Variants in KRT84 observed in about 807,000 individuals in gnomAD.
The protein encoded by KRT84 is keratin, type II cuticular Hb4.
Under a neutral mutation model 49.0 loss-of-function variants are expected in KRT84, and 38 were observed. The observed-to-expected ratio is 0.78, with a 90% CI of 0.60 to 1.02. KRT84 has a LOEUF of 1.02. KRT84 is among the 50% of genes least tolerant of loss of function. The pLI, the probability that KRT84 is intolerant of heterozygous loss-of-function variation, is 0.00. For synonymous variants in KRT84, 334 were observed against 312.8 expected, an observed-to-expected ratio of 1.07 and a Z score of -0.72; for missense variants, 860 against 788.6, an observed-to-expected ratio of 1.09 and a Z score of -1.08.
intron 2 of KRT84, among the ~76,000 whole-genome samples, chr12:52,383,383 A>C (rs901165503): frequency 5.3e-5 from 8 of 152,166 alleles, no homozygotes; most frequent in Admixed American, 2.0e-4. Flanking sequence ...GCCCAACTGA[A>C]AAAGATACTG....
chr12:52,381,277 CT>C, intron 5 of KRT84, 72 bp from the exon 6 acceptor site: 1 of 1,609,174 alleles, frequency 6.2e-7, no homozygotes, highest in Non-Finnish European at 8.5e-7. Context: ...GAGTTGGGGG[CT>C]TCAAACCTCC....
Position 52,380,447 on chromosome 12 carries a change from T to G in KRT84, c.1340A>C (p.Glu447Ala). Residue 447 changes from glutamate (E) to alanine (A), a missense_variant, in exon 7 of 9, where the codon GAG (glutamate) becomes GCG (alanine). Transcript: ENST00000257951. ...AKQDMARQLC[E>A]YQELMNAKLG... ...CTTGGCATTCATCAGCTCCTGGTAC[T>G]CGCACAGCTGCCGCGCCATGTCCTG... 6.2e-7 allele frequency: 1 copy of G among 1,614,200 alleles called. No individual in the cohort carries two copies. The highest frequency in any genetic ancestry group is 8.5e-7 in the Non-Finnish European group (1 of 1,180,012).
At chr12:52,384,420 C>G (rs575673291) in intron 1 of KRT84, among the ~76,000 whole-genome samples, 91 of 152,290 alleles carry the variant, frequency 6.0e-4, no homozygotes, top group Non-Finnish European at 1.1e-3. Flanking sequence ...TTTGGGTTAT[C>G]CACATCACTG....
rs1293471942 is a variant in KRT84, at chr12:52,383,665, A to G, written c.680T>C (p.Val227Ala). ...YITNLRRQLE[V>A]LVSDQARLQA... ...GAGCCGGGCCTGATCACTGACCAGCACCTCCAACTGCCTCCGCAGGTTGGT... is the reference window on the plus strand; with the variant it reads ...GAGCCGGGCCTGATCACTGACCAGCGCCTCCAACTGCCTCCGCAGGTTGGT... Residue 227 changes from valine (V) to alanine (A), a missense_variant, in exon 2 of 9, where the codon GTG (valine) becomes GCG (alanine). Physicochemically the swap from Val to Ala is moderately conservative, Grantham distance 64. Transcript: ENST00000257951. 8.1e-6 allele frequency: 13 copies of G among 1,613,960 alleles called. No individual in the cohort carries two copies. Among genetic ancestry groups the G allele is most frequent in the African/African-American group, 1.3e-5 (1 of 74,910 alleles).
At chr12:52,380,315 A>G (rs764412517) in intron 7 of KRT84, 48 bp downstream of exon 7, 34 of 1,599,198 alleles carry the variant, frequency 2.1e-5, no homozygotes, top group Non-Finnish European at 1.7e-6. Flanking sequence ...TAGTCTTTCT[A>G]GATGCCTAAG....
intron 6 of KRT84, 46 bp downstream of exon 6, chr12:52,381,034 C>T: frequency 1.9e-6 from 3 of 1,602,464 alleles, no homozygotes; most frequent in Non-Finnish European, 2.6e-6. Context: ...AGCCTGAGGC[C>T]CTGGTTCTCC....
At chr12:52,381,269 G>A in intron 5 of KRT84, 64 bp from the exon 6 acceptor site, 1 of 1,609,350 alleles carries the variant, frequency 6.2e-7, no homozygotes, top group African/African-American at 1.3e-5. Context: ...CCCCCACTGA[G>A]TTGGGGGCTT....
rs772967834 is a variant in KRT84 at position 52,383,576 on chromosome 12, C to A, written c.755+14G>T. The A allele has an allele frequency of 4.3e-6, 7 of 1,609,678 alleles. No individual in the cohort carries two copies. The highest frequency in any genetic ancestry group is 2.1e-4 in the Middle Eastern group (1 of 4,696). On this transcript the variant is annotated intron_variant, in intron 2 of 8. Transcript: ENST00000257951. ...TGGCCTGTCACTGGTCTGTGCAGCT[C>A]AGATGTCACTCACTTCTTCTTGAAG...
rs1199593174 is a variant in KRT84, at chr12:52,385,398, G to A, written c.188C>T (p.Pro63Leu). 1 of 1,614,186 alleles carries A rather than the reference G, an allele frequency of 6.2e-7. No individual in the cohort carries two copies. Among genetic ancestry groups the A allele is most frequent in the Admixed American group, 1.7e-5 (1 of 60,020 alleles). Residue 63 changes from proline (P) to leucine (L), a missense_variant, in exon 1 of 9, where the codon CCC (proline) becomes CTC (leucine). Coordinates refer to ENST00000257951, the MANE Select transcript of KRT84 (RefSeq NM_033045.4). ...RSVITFGSYS[P>L]RIAAVGSRPI... Reference sequence around the variant, plus strand: ...CCGAGAGCCTACAGCTGCTATCCGGGGTGAGTACGATCCAAAGGTGATGAC... The same window carrying A: ...CCGAGAGCCTACAGCTGCTATCCGGAGTGAGTACGATCCAAAGGTGATGAC...
chr12:52,385,683 T>G, upstream of KRT84: 1 of 1,160,952 alleles, frequency 8.6e-7, no homozygotes, highest in Non-Finnish European at 1.2e-6. Flanking sequence ...ACCCCTTTTA[T>G]GTGTGTGGTG....
chr12:52,381,067 T>C lies in KRT84; in HGVS notation c.1203+13A>G. On this transcript the variant is annotated intron_variant, in intron 6 of 8. Transcript: ENST00000257951. ...TCCCTCATCTGAGGCTTTCCCTCCT[T>C]TCCTTTGCCCACCTGAGCCTTGGCG... 6.2e-7 allele frequency: 1 copy of C among 1,613,394 alleles called. No individual in the cohort carries two copies. The highest frequency in any genetic ancestry group is 1.3e-5 in the African/African-American group (1 of 75,012).
rs555664952 is a variant in KRT84 at position 52,378,323 on chromosome 12, G to C, written c.1514C>G (p.Ser505Cys). Residue 505 changes from serine to cysteine, a missense_variant, in exon 9 of 9, where the codon TCC becomes TGC. Ser to Cys is a moderately radical substitution (Grantham distance 112). Coordinates refer to ENST00000257951, the MANE Select transcript of KRT84 (RefSeq NM_033045.4). ...VCGPEPLVAGSTLSRGGVTFS... is the reference protein window; with the variant it reads ...VCGPEPLVAGCTLSRGGVTFS... ...GGTGACCCCGCCGCGGGAGAGGGTG[G>C]AGCCGGCAACCAAAGGCTCAGGCCC... is the stretch of plus-strand genomic sequence containing the variant. 2.6e-6 allele frequency: 4 copies of C among 1,530,298 alleles called. No individual in the cohort carries two copies. The South Asian group carries it at 4.9e-5, about 19-fold the overall frequency. The allele number at this position is 1,530,298 out of a possible 1,614,324, so 94.8% of individuals were successfully genotyped here.
chr12:52,384,502 C>T (rs1257923215), intron 1 of KRT84, among the ~76,000 whole-genome samples: 1 of 152,196 alleles, frequency 6.6e-6, no homozygotes, highest in Admixed American at 6.5e-5. Flanking sequence ...ATCTAGGCAA[C>T]TTGGCCGAAT....
intron 3 of KRT84, 103 bp downstream of exon 3, chr12:52,382,902 T>C: frequency 1.1e-6 from 1 of 895,196 alleles, no homozygotes. Context: ...TTGATGTGAG[T>C]AGTCCCAGAC....
chr12:52,378,081 T>C lies in KRT84; in HGVS notation c.1756A>G (p.Ser586Gly), dbSNP rs1226754745. The change falls in exon 9 of 9, where the codon AGC becomes GGC. Residue 586 changes from serine to glycine, a missense_variant. Coordinates refer to ENST00000257951, the MANE Select transcript of KRT84 (RefSeq NM_033045.4). ...FSSCSGGRSS[S>G]VRFVSTTTSC... ...GTGGTGGTGGACACAAAGCGGACGC[T>C]GGAGCTGCGGCCGCCGCTGCAGCTG... 1 of 1,501,570 alleles carries C rather than the reference T, an allele frequency of 6.7e-7. No homozygotes were observed. Among genetic ancestry groups the C allele is most frequent in the Non-Finnish European group, 8.8e-7 (1 of 1,130,870 alleles). The allele number at this position is 1,501,570 out of a possible 1,614,324, so 93.0% of individuals were successfully genotyped here. A position where few individuals can be genotyped will look rare whatever the true frequency, so the allele number is the denominator to read the frequency against.
Position 52,380,450 on chromosome 12 carries a change from C to T in KRT84, c.1337G>A (p.Cys446Tyr), listed in dbSNP as rs753360731. 16 of 1,614,188 alleles carry T rather than the reference C, an allele frequency of 9.9e-6. No homozygotes were observed. The highest frequency in any genetic ancestry group is 2.2e-5 in the East Asian group (1 of 44,884). Residue 446 changes from cysteine to tyrosine, a missense_variant, in exon 7 of 9, where the codon TGC becomes TAC. Transcript: ENST00000257951. ...GGCATTCATCAGCTCCTGGTACTCG[C>T]ACAGCTGCCGCGCCATGTCCTGCTT... ...QAKQDMARQL[C>Y]EYQELMNAKL...
chr12:52,379,164 C>T (rs1295721825), intron 8 of KRT84, among the ~76,000 whole-genome samples: 1 of 152,226 alleles, frequency 6.6e-6, no homozygotes, highest in Non-Finnish European at 1.5e-5. Context: ...GTTTAGCACT[C>T]GGTTCCACTA....
In KRT84 at chr12:52,378,162, T is replaced by C. The variant is rs1284552313; in HGVS notation, c.1675A>G (p.Ser559Gly). Residue 559 changes from serine (S) to glycine (G), a missense_variant, in exon 9 of 9, where the codon AGC becomes GGC. Transcript: ENST00000257951. Reference protein sequence around the residue: ...TGTRSGSMLISEACVPSVPCP... With the variant: ...TGTRSGSMLIGEACVPSVPCP... The stretch of plus-strand genomic sequence containing the variant: ...GGGACGCTGGGGACACAGGCCTCGC[T>C]GATGAGCATGGAGCCACTCCTTGTG... 5.7e-6 allele frequency: 9 copies of C among 1,576,564 alleles called. No individual in the cohort carries two copies. The highest frequency in any genetic ancestry group is 1.2e-5 in the South Asian group (1 of 85,128).
Position 52,381,376 on chromosome 12 carries a change from G to C in KRT84, c.1062C>G (p.Ala354=). The C allele has an allele frequency of 7.4e-6, 12 of 1,614,168 alleles. No individual in the cohort carries two copies. Among genetic ancestry groups the C allele is most frequent in the South Asian group, 2.2e-5 (2 of 91,078 alleles). The change falls in exon 5 of 9, where the codon GCC becomes GCG. Residue 354 remains alanine, a synonymous_variant. Transcript: ENST00000257951. ...CACTGCCCACCTTGGTCTGGTACCA[G>C]GCCTCAGCATCAGCCCGGCTGCGCC... ...VARRSRADAE[A]WYQTKYEEMQ... is the part of the protein sequence containing the mutation.
Sources: allele counts gnomAD v4.1 joint callset (sites outside exome capture counted in the v4.1 genomes callset), GRCh38; gene constraint gnomAD v4.1.1; transcripts MANE v1.5; gene names NCBI Gene and HGNC (gene_info 2026-07-23, HGNC 2026-07-21).